Variants in LRRTM4 observed in about 807,000 individuals in gnomAD.
LRRTM4 encodes the protein leucine-rich repeat transmembrane neuronal protein 4.
Under a neutral mutation model 47.6 loss-of-function variants are expected in LRRTM4, and 25 were observed. That is an observed-to-expected ratio of 0.53 (90% CI 0.38 to 0.73). The LOEUF (loss-of-function observed/expected upper bound fraction) is 0.73, where lower values mean the gene tolerates loss of function less well. LRRTM4 is among the 30% of genes least tolerant of loss of function. LRRTM4 has a pLI of 0.00. For synonymous variants in LRRTM4, 311 were observed against 269.5 expected (o/e 1.15, Z -1.51); for missense variants, 638 against 713.4 (o/e 0.89, Z 1.20).
chr2:77,195,823 G>T (rs1480963110), intron 3 of LRRTM4, among the ~76,000 whole-genome samples: 1 of 152,104 alleles, frequency 6.6e-6, no homozygotes, highest in Non-Finnish European at 1.5e-5. Context: ...TGAGAGGATA[G>T]GGGGTGCTAT....
At chr2:77,337,428 C>T (rs958375483) in intron 3 of LRRTM4, among the ~76,000 whole-genome samples, 9 of 152,046 alleles carry the variant, frequency 5.9e-5, no homozygotes, top group African/African-American at 2.2e-4. Context: ...GACTGTGTCT[C>T]CACTAAAATC....
At chr2:77,232,158 A>G (rs1432278355) in intron 3 of LRRTM4, among the ~76,000 whole-genome samples, 1 of 152,140 alleles carries the variant, frequency 6.6e-6, no homozygotes, top group Non-Finnish European at 1.5e-5. Flanking sequence ...AAAATACTGA[A>G]ACCCAGACCT....
At chr2:77,153,236 T>C (rs1672476099) in intron 3 of LRRTM4, among the ~76,000 whole-genome samples, 1 of 152,148 alleles carries the variant, frequency 6.6e-6, no homozygotes, top group South Asian at 2.1e-4. Flanking sequence ...TAGTGCTATG[T>C]ACTTAATAGT....
At chr2:77,026,292 T>C (rs956920748) in intron 3 of LRRTM4, among the ~76,000 whole-genome samples, 1 of 152,064 alleles carries the variant, frequency 6.6e-6, no homozygotes, top group African/African-American at 2.4e-5. Flanking sequence ...CCCCAGAAGG[T>C]AGATATTATA....
intron 3 of LRRTM4, among the ~76,000 whole-genome samples, chr2:76,972,902 A>G (rs907069347): frequency 3.3e-5 from 5 of 152,046 alleles, no homozygotes; most frequent in African/African-American, 1.2e-4. Flanking sequence ...GTATAATACA[A>G]AAAAGGTTGT....
chr2:77,035,327 C>T (rs7595678), intron 3 of LRRTM4, among the ~76,000 whole-genome samples: 33,160 of 151,414 alleles, frequency 0.22, 4,162 homozygotes, highest in East Asian at 0.4. Flanking sequence ...CAAGTTCCCC[C>T]GATGATAATA....
intron 3 of LRRTM4, among the ~76,000 whole-genome samples, chr2:76,905,870 T>A (rs989158960): frequency 6.6e-6 from 1 of 152,080 alleles, no homozygotes. Flanking sequence ...CTACATCTGA[T>A]TGGTGTACCT....
At chr2:77,054,681 T>C (rs1052107009) in intron 3 of LRRTM4, among the ~76,000 whole-genome samples, 1 of 152,208 alleles carries the variant, frequency 6.6e-6, no homozygotes, top group Non-Finnish European at 1.5e-5. Flanking sequence ...CATTTATAAT[T>C]AGTAAGAGCT....
intron 3 of LRRTM4, among the ~76,000 whole-genome samples, chr2:77,036,472 T>C (rs186085181): frequency 2.6e-5 from 4 of 151,856 alleles, no homozygotes; most frequent in Admixed American, 2.6e-4. Context: ...TCTCATCCTT[T>C]ACAGAACTAT....
chr2:77,226,489 GTC>G (rs1674812737), intron 3 of LRRTM4, among the ~76,000 whole-genome samples: 1 of 149,722 alleles, frequency 6.7e-6, no homozygotes, highest in Non-Finnish European at 1.5e-5. Context: ...TTTGTTTTCT[GTC>G]TCTCATTATT....
intron 3 of LRRTM4, among the ~76,000 whole-genome samples, chr2:76,957,285 T>C (rs1192584425): frequency 6.6e-6 from 1 of 151,658 alleles, no homozygotes; most frequent in Admixed American, 6.6e-5. Context: ...CATTGTTCAA[T>C]GGGTAGAGTT....
chr2:77,228,512 T>C (rs1026493243), intron 3 of LRRTM4, among the ~76,000 whole-genome samples: 3 of 152,134 alleles, frequency 2.0e-5, no homozygotes, highest in African/African-American at 7.2e-5. Context: ...ATCATGCCAG[T>C]GGAGAGTCTG....
At chr2:77,238,500 C>A (rs1157666841) in intron 3 of LRRTM4, among the ~76,000 whole-genome samples, 1 of 151,908 alleles carries the variant, frequency 6.6e-6, no homozygotes. Context: ...AAACAGAGAA[C>A]TACCCATGTT....
intron 3 of LRRTM4, among the ~76,000 whole-genome samples, chr2:76,783,713 A>C (rs1461686720): frequency 6.6e-6 from 1 of 152,174 alleles, no homozygotes; most frequent in Non-Finnish European, 1.5e-5. Context: ...TCACAATACC[A>C]TTTGGCATCC....
intron 3 of LRRTM4, among the ~76,000 whole-genome samples, chr2:76,883,352 GCCCAA>G (rs1170154127): frequency 6.6e-6 from 1 of 152,102 alleles, no homozygotes; most frequent in African/African-American, 2.4e-5. Flanking sequence ...CATAGTAAAT[GCCCAA>G]TTAATGTTTA....
chr2:77,015,493 T>A (rs143988553), intron 3 of LRRTM4, among the ~76,000 whole-genome samples: 28 of 152,010 alleles, frequency 1.8e-4, no homozygotes, highest in African/African-American at 6.7e-4. Flanking sequence ...GCCCAGCCAA[T>A]TTTTGTACTT....
At chr2:77,259,957 G>A (rs1675872935) in intron 3 of LRRTM4, among the ~76,000 whole-genome samples, 1 of 152,020 alleles carries the variant, frequency 6.6e-6, no homozygotes, top group African/African-American at 2.4e-5. Context: ...AATGGTAAGA[G>A]AAACACAGAA....
intron 3 of LRRTM4, among the ~76,000 whole-genome samples, chr2:77,035,893 A>G (rs1451194100): frequency 6.6e-6 from 1 of 151,766 alleles, no homozygotes; most frequent in African/African-American, 2.4e-5. Context: ...GTCCTCTTAG[A>G]GTTAGATTCT....
intron 3 of LRRTM4, among the ~76,000 whole-genome samples, chr2:76,937,772 T>C (rs1038224319): frequency 2.6e-5 from 4 of 152,108 alleles, no homozygotes; most frequent in Non-Finnish European, 5.9e-5. Context: ...TTCACCATGT[T>C]TGCTAGGATG....
Sources: allele counts gnomAD v4.1 joint callset (sites outside exome capture counted in the v4.1 genomes callset), GRCh38; gene constraint gnomAD v4.1.1; transcripts MANE v1.5; gene names NCBI Gene and HGNC (gene_info 2026-07-23, HGNC 2026-07-21).